Variants in RBFOX1 observed in about 807,000 individuals in gnomAD.
RBFOX1 encodes the protein RNA binding protein fox-1 homolog 1.
RBFOX1 carries 8 observed loss-of-function variants against 57.7 expected under a neutral mutation model. The ratio of observed to expected loss-of-function variants is 0.14; its 90% CI spans 0.08 to 0.25. RBFOX1 has a LOEUF of 0.25. Among genes scored for constraint, RBFOX1 ranks in the 10% least tolerant of loss-of-function variants. The pLI is 1.00. For synonymous variants in RBFOX1, 326 were observed against 222.4 expected (o/e 1.47, Z -4.15); for missense variants, 611 against 548.5 (o/e 1.11, Z -1.14).
At chr16:6,372,495 G>T (rs1380228093) in intron 2 of RBFOX1, among the ~76,000 whole-genome samples, 1 of 151,896 alleles carries the variant, frequency 6.6e-6, no homozygotes, top group Non-Finnish European at 1.5e-5. Flanking sequence ...TGGAGATTGG[G>T]TGGAAGTATA....
At chr16:5,390,862 C>G (rs1468467905) in intron 1 of RBFOX1, among the ~76,000 whole-genome samples, 2 of 152,152 alleles carry the variant, frequency 1.3e-5, no homozygotes, top group East Asian at 3.9e-4. Context: ...ATCTTGTCAC[C>G]ATAAGGGAAA....
intron 2 of RBFOX1, among the ~76,000 whole-genome samples, chr16:6,506,640 T>G (rs1269000602): frequency 7.0e-5 from 1 of 14,384 alleles, no homozygotes; most frequent in Admixed American, 1.2e-3. Context: ...TTTTTTTTTT[T>G]TTTTTTTTTT....
chr16:6,834,620 A>T (rs1220990842), intron 3 of RBFOX1, among the ~76,000 whole-genome samples: 2 of 152,174 alleles, frequency 1.3e-5, no homozygotes, highest in African/African-American at 4.8e-5. Context: ...TGGGATGACT[A>T]AGCAAGGGTA....
intron 4 of RBFOX1, among the ~76,000 whole-genome samples, chr16:7,125,885 C>A (rs1248517331): frequency 6.6e-6 from 1 of 152,080 alleles, no homozygotes; most frequent in African/African-American, 2.4e-5. Flanking sequence ...GAGTTCAAGA[C>A]CATCCTGGCC....
chr16:6,171,235 A>G (rs1171266606), intron 1 of RBFOX1, among the ~76,000 whole-genome samples: 2 of 152,204 alleles, frequency 1.3e-5, no homozygotes, highest in Non-Finnish European at 2.9e-5. Context: ...GGATGATTCT[A>G]CATATTTTGT....
chr16:5,747,180 T>C (rs1398905377), intron 3 of RBFOX1, among the ~76,000 whole-genome samples: 1 of 152,228 alleles, frequency 6.6e-6, no homozygotes, highest in Non-Finnish European at 1.5e-5. Flanking sequence ...AAATGCTGGA[T>C]TACATTTATT....
At chr16:5,892,771 A>C (rs1463270645) in intron 4 of RBFOX1, among the ~76,000 whole-genome samples, 1 of 152,298 alleles carries the variant, frequency 6.6e-6, no homozygotes, top group Non-Finnish European at 1.5e-5. Context: ...TTTTAGGAAC[A>C]GCATGTGCAA....
chr16:7,707,312 C>G (rs1219468311), intron 14 of RBFOX1, among the ~76,000 whole-genome samples: 2 of 152,070 alleles, frequency 1.3e-5, no homozygotes, highest in Non-Finnish European at 2.9e-5. Context: ...CCTTCTCAGA[C>G]TCCATGGTGT....
chr16:7,225,905 A>AATAAAT (rs66510060), intron 4 of RBFOX1, among the ~76,000 whole-genome samples: 10 of 93,746 alleles, frequency 1.1e-4, no homozygotes, highest in Middle Eastern at 5.0e-3. Flanking sequence ...AAGTATAATA[A>AATAAAT]ATATATATAT....
chr16:7,538,692 A>G (rs573501123), intron 5 of RBFOX1, among the ~76,000 whole-genome samples: 1 of 152,302 alleles, frequency 6.6e-6, no homozygotes, highest in South Asian at 2.1e-4. Flanking sequence ...CAAACATTTT[A>G]TTTACTTACA....
chr16:6,901,572 A>C (rs549005867), intron 3 of RBFOX1, among the ~76,000 whole-genome samples: 3 of 152,242 alleles, frequency 2.0e-5, no homozygotes, highest in African/African-American at 4.8e-5. Flanking sequence ...GGAATGTTCA[A>C]CTCCTCAATT....
chr16:7,522,270 G>A (rs1242849628), intron 5 of RBFOX1, among the ~76,000 whole-genome samples: 1 of 152,144 alleles, frequency 6.6e-6, no homozygotes, highest in Non-Finnish European at 1.5e-5. Context: ...TCAAGAGTAG[G>A]GAGTGAAGAG....
At chr16:5,856,220 T>TACAC (rs1415445723) in intron 3 of RBFOX1, among the ~76,000 whole-genome samples, 448 of 31,262 alleles carry the variant, frequency 0.014, 11 homozygotes, top group Non-Finnish European at 0.024. Context: ...TATATATGTA[T>TACAC]ATATATATGT....
At chr16:7,553,227 C>G (rs1189844805) in intron 5 of RBFOX1, among the ~76,000 whole-genome samples, 1 of 152,152 alleles carries the variant, frequency 6.6e-6, no homozygotes, top group Non-Finnish European at 1.5e-5. Flanking sequence ...TCACTTCAGC[C>G]TCAACCTCCT....
intron 2 of RBFOX1, among the ~76,000 whole-genome samples, chr16:6,547,316 C>T (rs773612912): frequency 9.9e-5 from 15 of 152,168 alleles, no homozygotes; most frequent in Non-Finnish European, 2.2e-4. Context: ...ACAAATTTCA[C>T]TGTTGTTAAT....
chr16:7,092,500 CAG>C (rs2061025028), intron 4 of RBFOX1, among the ~76,000 whole-genome samples: 1 of 152,190 alleles, frequency 6.6e-6, no homozygotes, highest in Non-Finnish European at 1.5e-5. Context: ...ACTGTATAGA[CAG>C]TGTTCCAGCG....
chr16:6,526,791 C>G (rs2096584028), intron 2 of RBFOX1, among the ~76,000 whole-genome samples: 1 of 128,844 alleles, frequency 7.8e-6, no homozygotes. Flanking sequence ...GATTGCACTA[C>G]CACACTCCAC....
chr16:7,078,647 C>T (rs759110537), intron 4 of RBFOX1, among the ~76,000 whole-genome samples: 8 of 151,280 alleles, frequency 5.3e-5, no homozygotes, highest in Non-Finnish European at 8.8e-5. Context: ...CACACCCAGC[C>T]CGACCCTATT....
At chr16:6,912,312 G>C (rs1474827342) in intron 3 of RBFOX1, among the ~76,000 whole-genome samples, 2 of 152,130 alleles carry the variant, frequency 1.3e-5, no homozygotes, top group African/African-American at 2.4e-5. Flanking sequence ...TGACTGAATA[G>C]CTCTGGGGTG....
Sources: gnomAD v4.1 joint callset for allele counts (sites outside exome capture counted in the v4.1 genomes callset) on GRCh38, gnomAD v4.1.1 for gene constraint, MANE v1.5 for transcripts, NCBI Gene and HGNC (gene_info 2026-07-23, HGNC 2026-07-21) for gene names.